Variants in WNT2B observed in about 807,000 individuals in gnomAD.
WNT2B encodes Wnt family member 2B, also known as protein Wnt-2b.
WNT2B carries 19 observed loss-of-function variants against 40.5 expected under a neutral mutation model. The observed-to-expected ratio is 0.47, with a 90% CI of 0.33 to 0.69. The LOEUF is 0.69. WNT2B is among the 30% of genes least tolerant of loss of function. The pLI is 0.02. For missense variants in WNT2B, 467 were observed against 556.4 expected (o/e 0.84, Z 1.62); for synonymous variants, 220 against 211.9 (o/e 1.04, Z -0.33).
At chr1:112,478,534 C>A (rs1570763569) in intron 1 of WNT2B, among the ~76,000 whole-genome samples, 1 of 152,032 alleles carries the variant, frequency 6.6e-6, no homozygotes, top group East Asian at 1.9e-4. Flanking sequence ...AGAAAACTTG[C>A]TGACCAGGAG....
chr1:112,526,743 A>G lies in WNT2B; in HGVS notation c.*6234A>G. 1 of 151,850 alleles carries G rather than the reference A, an allele frequency of 6.6e-6. No homozygotes were observed. Among genetic ancestry groups the G allele is most frequent in the South Asian group, 2.1e-4 (1 of 4,806 alleles). The allele number at this position is 151,850 out of a possible 1,614,324, so 9.4% of individuals were successfully genotyped here. On this transcript the variant is annotated 3_prime_UTR_variant, in exon 5 of 5. Transcript: ENST00000369684. ...AGACAGAGCGAGACTCCGTCACAAA[A>G]AAAAAAAAAAAGAAGGTATGTATTA...
In WNT2B at chr1:112,524,354, A is replaced by AGTAT. The variant is rs1450728635; in HGVS notation, c.*3848_*3851dup. The AGTAT allele has an allele frequency of 3.9e-5, 6 of 152,524 alleles. No homozygotes were observed. The highest frequency in any genetic ancestry group is 6.6e-5 in the Admixed American group (1 of 15,262). The allele number at this position is 152,524 out of a possible 1,614,324, so 9.4% of individuals were successfully genotyped here. ...GGGGCGAAGGGAGGACGCCAGGGAG[A>AGTAT]GTATGTTTCTCATCCCTGGGAGGCA... is the stretch of plus-strand genomic sequence containing the variant. On this transcript the variant is annotated 3_prime_UTR_variant, in exon 5 of 5. Transcript: ENST00000369684.
At chr1:112,516,495 GT>G in intron 3 of WNT2B, 78 bp downstream of exon 3, 1 of 1,524,244 alleles carries the variant, frequency 6.6e-7, no homozygotes, top group East Asian at 2.3e-5. Context: ...CTAAATAAAT[GT>G]GAAGATGGAA....
chr1:112,492,598 A>T (rs1278708514), intron 1 of WNT2B, among the ~76,000 whole-genome samples: 2 of 152,218 alleles, frequency 1.3e-5, no homozygotes, highest in African/African-American at 4.8e-5. Context: ...AACCATTTCT[A>T]AATACACCTA....
Position 112,469,464 on chromosome 1 carries a change from G to A in WNT2B, c.-95+1873G>A, listed in dbSNP as rs549515686. 2.7e-4 allele frequency among the ~76,000 whole-genome samples: 41 copies of A among 152,280 alleles called. No homozygotes were observed. The South Asian group carries it at 8.1e-3, about 30-fold the overall frequency. ...TAATACTAATTATACTAGTCCATGA[G>A]CATGGAATGCCTTTCCATTTGTTTG... is the stretch of plus-strand genomic sequence containing the variant. On this transcript the variant is annotated intron_variant, in intron 1 of 4. Transcript: ENST00000256640.
chr1:112,487,339 A>C (rs2101061437), intron 1 of WNT2B, among the ~76,000 whole-genome samples: 1 of 152,318 alleles, frequency 6.6e-6, no homozygotes, highest in South Asian at 2.1e-4. Context: ...GTGTGATATA[A>C]TAAGAAATAT....
rs1385789929 is a variant in WNT2B at position 112,523,730 on chromosome 1, ATACAT to A, written c.*3226_*3230del. 1.3e-5 allele frequency: 2 copies of A among 152,174 alleles called. No homozygotes were observed. The highest frequency in any genetic ancestry group is 1.9e-4 in the East Asian group (1 of 5,192). 9.4% of individuals were successfully genotyped at this position (152,174 alleles called of 1,614,324 possible). A position where few individuals can be genotyped will look rare whatever the true frequency, so the allele number is the denominator to read the frequency against. ...AACTTTTAATAAACATTTAGGTATA[ATACAT>A]TACAGTAAGTGCTATTTAGATACAA... On this transcript the variant is annotated 3_prime_UTR_variant, in exon 5 of 5. Coordinates refer to ENST00000369684, the MANE Select transcript of WNT2B (RefSeq NM_024494.3).
At chr1:112,472,069 A>G (rs560183010) in intron 1 of WNT2B, among the ~76,000 whole-genome samples, 4 of 152,356 alleles carry the variant, frequency 2.6e-5, no homozygotes, top group South Asian at 2.1e-4. Flanking sequence ...CTAAAAAAAA[A>G]CTAAGCATTA....
rs935340618 is a variant in WNT2B at position 112,527,351 on chromosome 1, T to C, written c.*6842T>C. The C allele has an allele frequency of 6.6e-6, 1 of 152,604 alleles. No individual in the cohort carries two copies. Among genetic ancestry groups the C allele is most frequent in the African/African-American group, 2.4e-5 (1 of 41,460 alleles). 9.5% of individuals were successfully genotyped at this position (152,604 alleles called of 1,614,324 possible). A position where few individuals can be genotyped will look rare whatever the true frequency, so the allele number is the denominator to read the frequency against. ...CTTCCCCAAGGCAGACTTTATTTTT[T>C]GGTCCATCGATCTTGGCTCTCACTG... is the stretch of plus-strand genomic sequence containing the variant. On this transcript the variant is annotated 3_prime_UTR_variant, in exon 5 of 5. Coordinates refer to ENST00000369684, the MANE Select transcript of WNT2B (RefSeq NM_024494.3).
intron 1 of WNT2B, among the ~76,000 whole-genome samples, chr1:112,484,272 C>CATATATATATATATATATATATACACAT (rs60819225): frequency 8.1e-6 from 1 of 123,284 alleles, no homozygotes; most frequent in East Asian, 2.2e-4. Context: ...TATATATACA[C>CATATATATATATATATATATATACACAT]ATATATATAT....
chr1:112,484,618 CA>C (rs988531924), intron 1 of WNT2B, among the ~76,000 whole-genome samples: 25 of 150,952 alleles, frequency 1.7e-4, no homozygotes, highest in African/African-American at 5.6e-4. Flanking sequence ...TTTAAATCAC[CA>C]AACTCCATGC....
At chr1:112,519,784 T>C (rs1206101763) in intron 4 of WNT2B, among the ~76,000 whole-genome samples, 2 of 152,104 alleles carry the variant, frequency 1.3e-5, no homozygotes, top group Non-Finnish European at 2.9e-5. Context: ...AGAAACTAAG[T>C]TAATGTTTCA....
At chr1:112,516,757 T>C (rs1295689528) in intron 3 of WNT2B, among the ~76,000 whole-genome samples, 1 of 152,208 alleles carries the variant, frequency 6.6e-6, no homozygotes, top group Non-Finnish European at 1.5e-5. Flanking sequence ...ATGTGCCTAG[T>C]ACTATGCTGG....
chr1:112,506,998 G>A (rs930714004), upstream of WNT2B, among the ~76,000 whole-genome samples: 8 of 152,110 alleles, frequency 5.3e-5, no homozygotes, highest in East Asian at 1.9e-4. Context: ...CACGCACTCC[G>A]CTCCAGCTGG....
intron 1 of WNT2B, among the ~76,000 whole-genome samples, chr1:112,485,673 A>G (rs1651393852): frequency 1.3e-5 from 2 of 152,248 alleles, no homozygotes; most frequent in African/African-American, 4.8e-5. Flanking sequence ...CTGGATATCT[A>G]TATGCAAAAA....
Position 112,526,116 on chromosome 1 carries a change from A to T in WNT2B, c.*5607A>T. The T allele has an allele frequency of 1.9e-6, 3 of 1,614,148 alleles. No homozygotes were observed. The highest frequency in any genetic ancestry group is 1.1e-5 in the South Asian group (1 of 91,082). On this transcript the variant is annotated 3_prime_UTR_variant, in exon 5 of 5. Transcript: ENST00000369684. Reference sequence around the variant, plus strand: ...GGGGCACCAGAGTCCCAGCACCTTCAAAACAGAAATTGATACAAAATGTTC... The same window carrying T: ...GGGGCACCAGAGTCCCAGCACCTTCTAAACAGAAATTGATACAAAATGTTC...
At chr1:112,514,240 G>C (rs1190705116) in intron 1 of WNT2B, among the ~76,000 whole-genome samples, 2 of 152,200 alleles carry the variant, frequency 1.3e-5, no homozygotes, top group African/African-American at 4.8e-5. Context: ...AGGCCCTGGG[G>C]CCTGGAAATA....
In WNT2B at chr1:112,496,605, G is replaced by GTT. The variant is rs71584741; in HGVS notation, c.-94-18259_-94-18258dup. On this transcript the variant is annotated intron_variant, in intron 1 of 4. Coordinates refer to the WNT2B transcript ENST00000256640. Reference sequence around the variant, plus strand: ...GGACAGACGTTTCTTTTTCTTTTTTGTTTTTTTTTTTCGAGACGGAGTTTC... The same window carrying GTT: ...GGACAGACGTTTCTTTTTCTTTTTTGTTTTTTTTTTTTTCGAGACGGAGTTTC... Among the ~76,000 whole-genome samples the GTT allele has an allele frequency of 2.6e-3, 372 of 145,500 alleles. 2 individuals carry two copies. Among genetic ancestry groups the GTT allele is most frequent in the Non-Finnish European group, 2.5e-3 (166 of 66,486 alleles).
intron 4 of WNT2B, among the ~76,000 whole-genome samples, chr1:112,519,872 C>CTTCATTTTT (rs10634267): frequency 9.5e-5 from 11 of 115,648 alleles, no homozygotes; most frequent in African/African-American, 3.5e-4. Context: ...GCCCATGCTT[C>CTTCATTTTT]TTTTTTTTTT....
Sources: allele counts gnomAD v4.1 joint callset (sites outside exome capture counted in the v4.1 genomes callset), GRCh38; gene constraint gnomAD v4.1.1; transcripts MANE v1.5; gene names NCBI Gene and HGNC (gene_info 2026-07-23, HGNC 2026-07-21).